The following BLMH variants were observed in gnomAD, a reference collection of about 807,000 sequenced individuals.
BLMH encodes the protein bleomycin hydrolase.
Under a neutral mutation model 61.6 loss-of-function variants are expected in BLMH, and 32 were observed. The ratio of observed to expected loss-of-function variants is 0.52; its 90% CI spans 0.39 to 0.70. BLMH has a LOEUF of 0.70. BLMH is among the 30% of genes least tolerant of loss of function. The pLI, the probability that BLMH is intolerant of heterozygous loss-of-function variation, is 0.00. For synonymous variants in BLMH, 183 were observed against 193.8 expected (o/e 0.94, Z 0.46); for missense variants, 460 against 555.5 (o/e 0.83, Z 1.73).
At chr17:30,276,441 A>G (rs973556219) in intron 6 of BLMH, among the ~76,000 whole-genome samples, 2 of 152,176 alleles carry the variant, frequency 1.3e-5, no homozygotes, top group Non-Finnish European at 2.9e-5. Context: ...TAGATTTCAT[A>G]TAACTTGTCT....
intron 2 of BLMH, 167 bp downstream of exon 2, chr17:30,291,144 A>C: frequency 1.2e-6 from 1 of 840,340 alleles, no homozygotes; most frequent in Non-Finnish European, 1.8e-6. Flanking sequence ...ACAGCAAAAC[A>C]AACCACATGG....
intron 6 of BLMH, among the ~76,000 whole-genome samples, chr17:30,276,131 T>C (rs1908418166): frequency 1.3e-5 from 2 of 150,420 alleles, no homozygotes; most frequent in African/African-American, 5.0e-5. Flanking sequence ...TGAGGTCACA[T>C]GCTGTCAAAA....
At chr17:30,257,980 A>G (rs951863981) in intron 11 of BLMH, among the ~76,000 whole-genome samples, 12 of 152,136 alleles carry the variant, frequency 7.9e-5, no homozygotes, top group Admixed American at 2.6e-4. Context: ...GGGTCCATTT[A>G]TAATGTATTT....
intron 3 of BLMH, 156 bp from the exon 4 acceptor site, chr17:30,288,103 C>G: frequency 1.3e-6 from 1 of 751,084 alleles, no homozygotes; most frequent in Non-Finnish European, 2.0e-6. Flanking sequence ...ATTTGCATGT[C>G]ATCCTTGTAC....
intron 11 of BLMH, among the ~76,000 whole-genome samples, chr17:30,263,883 T>C (rs1459266401): frequency 6.6e-6 from 1 of 152,322 alleles, no homozygotes; most frequent in East Asian, 1.9e-4. Context: ...CAACAAACTG[T>C]TAACAATGTT....
chr17:30,280,231 T>C (rs2143027610), intron 6 of BLMH, among the ~76,000 whole-genome samples: 1 of 152,308 alleles, frequency 6.6e-6, no homozygotes, highest in South Asian at 2.1e-4. Flanking sequence ...GCCTATTGAA[T>C]TGGGGCAAAC....
At chr17:30,261,335 G>A (rs1193667962) in intron 11 of BLMH, among the ~76,000 whole-genome samples, 2 of 152,144 alleles carry the variant, frequency 1.3e-5, no homozygotes, top group African/African-American at 4.8e-5. Flanking sequence ...CACATCCTGA[G>A]TTACTCTACT....
chr17:30,256,916 C>A (rs1362977191), intron 11 of BLMH, among the ~76,000 whole-genome samples: 1 of 152,146 alleles, frequency 6.6e-6, no homozygotes, highest in Non-Finnish European at 1.5e-5. Context: ...TGAAGCATGA[C>A]CTAATACCTC....
chr17:30,280,396 C>A (rs765149760), intron 6 of BLMH, among the ~76,000 whole-genome samples: 3 of 152,118 alleles, frequency 2.0e-5, no homozygotes, highest in Non-Finnish European at 4.4e-5. Context: ...GAAAGTAGTA[C>A]AGTAAAGTCT....
intron 11 of BLMH, among the ~76,000 whole-genome samples, chr17:30,264,614 CACTG>C (rs1238377447): frequency 2.6e-5 from 4 of 152,342 alleles, no homozygotes; most frequent in Admixed American, 2.6e-4. Flanking sequence ...TCTTCAAACT[CACTG>C]ACTATTACAG....
chr17:30,273,935 G>T, intron 7 of BLMH, 107 bp downstream of exon 7: 1 of 1,359,018 alleles, frequency 7.4e-7, no homozygotes, highest in Non-Finnish European at 1.0e-6. Context: ...TTTGTTTGCT[G>T]TCTAGTTTGA....
At chr17:30,284,455 T>C (rs1402097660) in intron 6 of BLMH, among the ~76,000 whole-genome samples, 3 of 152,226 alleles carry the variant, frequency 2.0e-5, no homozygotes, top group African/African-American at 7.2e-5. Context: ...TGAAAAAAAG[T>C]AGGCCATTTT....
intron 2 of BLMH, among the ~76,000 whole-genome samples, chr17:30,290,759 T>C (rs1908863479): frequency 6.6e-6 from 1 of 152,228 alleles, no homozygotes. Context: ...ACGAGACTTC[T>C]TGACCAGCAA....
chr17:30,248,417 CT>C lies in BLMH; in HGVS notation c.*599del, dbSNP rs1443731105. 1 of 111,362 alleles carries C rather than the reference CT, an allele frequency of 9.0e-6. No homozygotes were observed. The allele number at this position is 111,362 out of a possible 1,614,324, so 6.9% of individuals were successfully genotyped here. A position where few individuals can be genotyped will look rare whatever the true frequency, so the allele number is the denominator to read the frequency against. On this transcript the variant is annotated 3_prime_UTR_variant, in exon 12 of 12. Transcript: ENST00000261714. Reference sequence around the variant, plus strand: ...TCTCTAAGCCTCTACTCAAACCTGACTCAAGCAGAGATGTGCACACCCCACA... The same window carrying C: ...TCTCTAAGCCTCTACTCAAACCTGACCAAGCAGAGATGTGCACACCCCACA...
intron 11 of BLMH, among the ~76,000 whole-genome samples, chr17:30,257,268 TTAAA>T (rs1907842134): frequency 6.6e-6 from 1 of 152,142 alleles, no homozygotes; most frequent in South Asian, 2.1e-4. Flanking sequence ...AAGGAAATGG[TTAAA>T]TAAACTGTGG....
intron 11 of BLMH, among the ~76,000 whole-genome samples, chr17:30,266,258 T>C (rs1184986143): frequency 6.6e-6 from 1 of 152,146 alleles, no homozygotes; most frequent in Admixed American, 6.5e-5. Flanking sequence ...CTGGGCGCAG[T>C]GGCTCACACC....
intron 11 of BLMH, among the ~76,000 whole-genome samples, chr17:30,260,841 C>T (rs1265752588): frequency 1.3e-5 from 2 of 152,130 alleles, no homozygotes; most frequent in African/African-American, 4.8e-5. Flanking sequence ...CAAGACCGCA[C>T]CACTGCACTC....
intron 10 of BLMH, among the ~76,000 whole-genome samples, chr17:30,267,846 T>A (rs1230965474): frequency 6.6e-6 from 1 of 152,238 alleles, no homozygotes; most frequent in African/African-American, 2.4e-5. Flanking sequence ...TATTATCGCC[T>A]AATGATTTCA....
chr17:30,287,825 A>G lies in BLMH; in HGVS notation c.444T>C (p.Asp148=). ...MNPANDGGQW[D]MLVNIVEKYG... is the part of the protein sequence containing the mutation. ...TTTTACCAACAATATTAACAAGCATATCCCATTGGCCACCATCATTTGCAG... is the reference window on the plus strand; with the variant it reads ...TTTTACCAACAATATTAACAAGCATGTCCCATTGGCCACCATCATTTGCAG... Residue 148 remains aspartate, a synonymous_variant, in exon 4 of 12, where the codon GAT becomes GAC. Coordinates refer to ENST00000261714, the MANE Select transcript of BLMH (RefSeq NM_000386.4). 1 of 1,614,166 alleles carries G rather than the reference A, an allele frequency of 6.2e-7. No individual in the cohort carries two copies. Among genetic ancestry groups the G allele is most frequent in the Non-Finnish European group, 8.5e-7 (1 of 1,179,996 alleles).
Sources: gnomAD v4.1 joint callset for allele counts (sites outside exome capture counted in the v4.1 genomes callset) on GRCh38, gnomAD v4.1.1 for gene constraint, MANE v1.5 for transcripts, NCBI Gene and HGNC (gene_info 2026-07-23, HGNC 2026-07-21) for gene names.